Variants in KCNIP4 observed in about 807,000 individuals in gnomAD.
KCNIP4 encodes potassium voltage-gated channel interacting protein 4.
In KCNIP4, 12 loss-of-function variants were observed where a neutral mutation model predicts 34.0. The observed-to-expected ratio is 0.35, with a 90% confidence interval of 0.23 to 0.57. KCNIP4 has a LOEUF of 0.57. Among genes scored for constraint, KCNIP4 ranks in the 20% least tolerant of loss-of-function variants. The pLI is 0.83. For synonymous variants in KCNIP4, 124 were observed against 102.2 expected, an observed-to-expected ratio of 1.21 and a Z score of -1.29; for missense variants, 238 against 311.7, an observed-to-expected ratio of 0.76 and a Z score of 1.78.
intron 1 of KCNIP4, among the ~76,000 whole-genome samples, chr4:21,180,118 C>T (rs1754732993): frequency 2.0e-5 from 3 of 152,104 alleles, no homozygotes; most frequent in Admixed American, 1.3e-4. Flanking sequence ...CCACAAAGAC[C>T]ACAAATATAC....
intron 1 of KCNIP4, among the ~76,000 whole-genome samples, chr4:21,289,114 T>C (rs985648174): frequency 3.3e-5 from 5 of 152,234 alleles, no homozygotes; most frequent in Non-Finnish European, 7.3e-5. Flanking sequence ...ACAAGTCATA[T>C]CTTATTTAGT....
At chr4:21,779,418 A>G (rs1214323512) in intron 1 of KCNIP4, among the ~76,000 whole-genome samples, 2 of 152,166 alleles carry the variant, frequency 1.3e-5, no homozygotes, top group Non-Finnish European at 2.9e-5. Context: ...AAAATTGATG[A>G]GAGATTAAAA....
chr4:20,892,740 T>C (rs1438826626), intron 1 of KCNIP4, among the ~76,000 whole-genome samples: 1 of 152,252 alleles, frequency 6.6e-6, no homozygotes, highest in Non-Finnish European at 1.5e-5. Context: ...GGTCAAAAGC[T>C]GTAATGCTTT....
intron 1 of KCNIP4, among the ~76,000 whole-genome samples, chr4:20,922,657 TCA>T (rs1284829140): frequency 6.6e-6 from 1 of 152,124 alleles, no homozygotes; most frequent in Non-Finnish European, 1.5e-5. Flanking sequence ...TCTCTGAACT[TCA>T]GTTTCTTTAT....
chr4:21,259,520 C>A (rs139493810), intron 1 of KCNIP4, among the ~76,000 whole-genome samples: 63 of 152,232 alleles, frequency 4.1e-4, no homozygotes, highest in Non-Finnish European at 3.4e-4. Context: ...TTGTTTTTCA[C>A]CAGCTTCTCC....
At chr4:21,886,434 A>G (rs978242681) in intron 1 of KCNIP4, among the ~76,000 whole-genome samples, 2 of 152,092 alleles carry the variant, frequency 1.3e-5, no homozygotes, top group African/African-American at 4.8e-5. Context: ...TAATTATGTC[A>G]GAGAAGGCTT....
chr4:21,252,115 A>G (rs1418463870), intron 1 of KCNIP4, among the ~76,000 whole-genome samples: 1 of 147,350 alleles, frequency 6.8e-6, no homozygotes, highest in Non-Finnish European at 1.5e-5. Flanking sequence ...TTTAAGTAAC[A>G]TGAATGAGGT....
At chr4:21,294,843 T>A (rs945193353) in intron 1 of KCNIP4, among the ~76,000 whole-genome samples, 1 of 152,164 alleles carries the variant, frequency 6.6e-6, no homozygotes, top group African/African-American at 2.4e-5. Context: ...CATTCACATC[T>A]CAACTTGGAA....
chr4:21,059,935 C>T (rs914893418), intron 1 of KCNIP4, among the ~76,000 whole-genome samples: 21 of 152,148 alleles, frequency 1.4e-4, no homozygotes, highest in African/African-American at 5.1e-4. Flanking sequence ...ATTTTTGCCT[C>T]ATTATCTTCC....
intron 1 of KCNIP4, among the ~76,000 whole-genome samples, chr4:21,236,926 A>G (rs1759407537): frequency 6.6e-6 from 1 of 151,766 alleles, no homozygotes; most frequent in Admixed American, 6.6e-5. Context: ...GAATTGCTTG[A>G]ACCTGGGAGG....
intron 1 of KCNIP4, among the ~76,000 whole-genome samples, chr4:21,532,717 C>T (rs73801663): frequency 0.011 from 1,658 of 152,222 alleles, 35 homozygotes; most frequent in African/African-American, 0.038. Context: ...AGTGTAGCCA[C>T]TTGCCTTTAG....
intron 1 of KCNIP4, among the ~76,000 whole-genome samples, chr4:21,688,150 T>C (rs566864496): frequency 6.6e-6 from 1 of 152,348 alleles, no homozygotes; most frequent in African/African-American, 2.4e-5. Flanking sequence ...TACTGTGCAG[T>C]ACACACTGTG....
chr4:20,746,929 C>T (rs1012028971), intron 5 of KCNIP4, among the ~76,000 whole-genome samples: 1 of 152,136 alleles, frequency 6.6e-6, no homozygotes, highest in Non-Finnish European at 1.5e-5. Flanking sequence ...CATTCCCTAA[C>T]CATTTCTATT....
intron 1 of KCNIP4, among the ~76,000 whole-genome samples, chr4:21,247,991 ACACACACACACACCCCCCACAGG>A (rs1760415938): frequency 1.8e-5 from 2 of 108,522 alleles, no homozygotes; most frequent in African/African-American, 1.1e-4. Flanking sequence ...ATACACACAC[ACACACACACACACCCCCCACAGG>A]TGGATATATA....
intron 1 of KCNIP4, among the ~76,000 whole-genome samples, chr4:21,102,375 C>T (rs964360515): frequency 6.6e-6 from 1 of 152,020 alleles, no homozygotes; most frequent in Non-Finnish European, 1.5e-5. Context: ...AATTCAAGGG[C>T]AATGGGGCAT....
chr4:20,866,028 TA>T (rs1465091845), intron 2 of KCNIP4, among the ~76,000 whole-genome samples: 1 of 151,754 alleles, frequency 6.6e-6, no homozygotes, highest in Admixed American at 6.6e-5. Context: ...ACCTGCCAAC[TA>T]AAAAAAGCTC....
chr4:20,759,000 T>C (rs1174917622), intron 3 of KCNIP4, 110 bp from the exon 4 acceptor site: 4 of 743,482 alleles, frequency 5.4e-6, no homozygotes, highest in Non-Finnish European at 9.2e-6. Context: ...CCAAGAAAAT[T>C]AACCATTCAT....
At chr4:20,794,439 G>A (rs541270525) in intron 3 of KCNIP4, among the ~76,000 whole-genome samples, 8 of 152,086 alleles carry the variant, frequency 5.3e-5, no homozygotes, top group South Asian at 4.2e-4. Flanking sequence ...CAGGAGTTGG[G>A]GACCCCTGGC....
intron 1 of KCNIP4, among the ~76,000 whole-genome samples, chr4:21,518,287 G>C (rs553170028): frequency 6.6e-6 from 1 of 152,254 alleles, no homozygotes; most frequent in African/African-American, 2.4e-5. Flanking sequence ...GCATCACCCT[G>C]GGGAGTTAGT....
Sources: gnomAD v4.1 joint callset for allele counts (sites outside exome capture counted in the v4.1 genomes callset) on GRCh38, gnomAD v4.1.1 for gene constraint, MANE v1.5 for transcripts, NCBI Gene and HGNC (gene_info 2026-07-23, HGNC 2026-07-21) for gene names.